Variants in TMTC1 observed in about 807,000 individuals in gnomAD.
The protein encoded by TMTC1 is protein O-mannosyl-transferase TMTC1.
A neutral mutation model predicts 104.8 loss-of-function variants in TMTC1; 73 were observed. The ratio of observed to expected loss-of-function variants is 0.70; its 90% CI spans 0.58 to 0.85. TMTC1 has a LOEUF of 0.85. Among genes scored for constraint, TMTC1 ranks in the 40% least tolerant of loss-of-function variants. The pLI is 0.00. For synonymous variants in TMTC1, 434 were observed against 428.7 expected (o/e 1.01, Z -0.15); for missense variants, 1,035 against 1,096.1 (o/e 0.94, Z 0.79).
chr12:29,589,927 T>TA (rs1282132194), intron 7 of TMTC1, among the ~76,000 whole-genome samples: 1 of 152,194 alleles, frequency 6.6e-6, no homozygotes, highest in African/African-American at 2.4e-5. Context: ...AAGAGTTGAG[T>TA]AACTTGCCCA....
At chr12:29,572,253 AC>A (rs762151282) in intron 8 of TMTC1, 35 bp from the exon 9 acceptor site, 120 of 1,492,840 alleles carry the variant, frequency 8.0e-5, no homozygotes, top group Non-Finnish European at 9.6e-5. Context: ...GAATTATTTG[AC>A]AAAGAATATT....
At chr12:29,720,071 G>A (rs1942194336) in intron 5 of TMTC1, among the ~76,000 whole-genome samples, 1 of 152,136 alleles carries the variant, frequency 6.6e-6, no homozygotes, top group Admixed American at 6.5e-5. Flanking sequence ...ATCTGCTGGT[G>A]CTCTCTCGAC....
rs10574727 is a variant in TMTC1 at position 29,713,300 on chromosome 12, T to TACACACACACAC, written c.938+38354_938+38365dup. Among the ~76,000 whole-genome samples the TACACACACACAC allele has an allele frequency of 1.0e-3, 138 of 134,454 alleles. 1 individual carries two copies. Among genetic ancestry groups the TACACACACACAC allele is most frequent in the East Asian group, 3.8e-3 (17 of 4,466 alleles). 88.2% of individuals were successfully genotyped at this position (134,454 alleles called of 152,430 possible). On this transcript the variant is annotated intron_variant, in intron 5 of 17. Transcript: ENST00000539277. ...AAATAAATCTCTCTACATAAACACA[T>TACACACACACAC]ACACACACACACACACACACACACA...
intron 10 of TMTC1, among the ~76,000 whole-genome samples, chr12:29,536,529 A>C (rs987569976): frequency 6.6e-6 from 1 of 152,200 alleles, no homozygotes; most frequent in Non-Finnish European, 1.5e-5. Context: ...TAAAGATGTA[A>C]ATTACGCTTC....
chr12:29,517,618 A>T (rs776519884), intron 13 of TMTC1, 47 bp from the exon 14 acceptor site: 6 of 1,609,876 alleles, frequency 3.7e-6, no homozygotes, highest in South Asian at 1.1e-5. Context: ...TAATAGGTAC[A>T]TTTCCAAATG....
chr12:29,573,321 T>C (rs1945733073), intron 8 of TMTC1, among the ~76,000 whole-genome samples: 1 of 152,202 alleles, frequency 6.6e-6, no homozygotes, highest in Non-Finnish European at 1.5e-5. Flanking sequence ...AGCAGAATCA[T>C]TAAAAAGGAT....
intron 9 of TMTC1, among the ~76,000 whole-genome samples, chr12:29,561,468 C>A (rs1006152431): frequency 2.4e-4 from 36 of 152,232 alleles, no homozygotes; most frequent in African/African-American, 8.4e-4. Context: ...TGTCTTCTGT[C>A]ATACAAAATA....
At chr12:29,634,182 C>A (rs149290884) in intron 5 of TMTC1, among the ~76,000 whole-genome samples, 1 of 152,146 alleles carries the variant, frequency 6.6e-6, no homozygotes, top group Admixed American at 6.5e-5. Context: ...CTAGTCAACA[C>A]GTTACAACAT....
chr12:29,507,400 C>A (rs964605450), intron 17 of TMTC1, among the ~76,000 whole-genome samples: 2 of 152,048 alleles, frequency 1.3e-5, no homozygotes, highest in Non-Finnish European at 2.9e-5. Flanking sequence ...TTTAAAACTG[C>A]AAGAAGAATG....
At chr12:29,750,251 T>C (rs1943057744) in intron 5 of TMTC1, among the ~76,000 whole-genome samples, 2 of 152,238 alleles carry the variant, frequency 1.3e-5, no homozygotes, top group South Asian at 2.1e-4. Context: ...GCCAGATCCC[T>C]GCACATCTTC....
chr12:29,655,229 C>T lies in TMTC1; in HGVS notation c.939-21893G>A, dbSNP rs139929672. Among the ~76,000 whole-genome samples the T allele has an allele frequency of 2.7e-3, 416 of 152,120 alleles. 3 individuals carry two copies. The highest frequency in any genetic ancestry group is 3.3e-3 in the Non-Finnish European group (223 of 68,002). ...TGTTCAGAATAGGTAAATCTACAGA[C>T]ACAGAAAGTAGACCAGTGGCTGGTG... On this transcript the variant is annotated intron_variant, in intron 5 of 17. Coordinates refer to ENST00000539277, the MANE Select transcript of TMTC1 (RefSeq NM_001193451.2).
intron 1 of TMTC1, among the ~76,000 whole-genome samples, chr12:29,774,268 G>A (rs1019928804): frequency 6.6e-6 from 1 of 152,042 alleles, no homozygotes; most frequent in African/African-American, 2.4e-5. Context: ...ATCTAAACTA[G>A]GGCCCAGAGA....
chr12:29,774,476 A>AC (rs112744640), intron 1 of TMTC1, among the ~76,000 whole-genome samples: 3,509 of 152,056 alleles, frequency 0.023, 129 homozygotes, highest in African/African-American at 0.078. Flanking sequence ...AATTAAAAGT[A>AC]ACCCTTTATT....
At chr12:29,664,181 C>T (rs913005565) in intron 5 of TMTC1, among the ~76,000 whole-genome samples, 13 of 144,198 alleles carry the variant, frequency 9.0e-5, no homozygotes, top group South Asian at 4.4e-4. Flanking sequence ...AGCGAGACTC[C>T]GTCTCAAAAA....
Position 29,755,883 on chromosome 12 carries a change from C to T in TMTC1, c.557G>A (p.Ser186Asn). Reference protein sequence around the residue: ...FLLAFLSYNRSLDQGCVGGSF... With the variant: ...FLLAFLSYNRNLDQGCVGGSF... Reference sequence around the variant, plus strand: ...TCCCCCAACACAGCCCTGATCCAGACTCCTGAAAAACAAGTTGGAGATTCT... The same window carrying T: ...TCCCCCAACACAGCCCTGATCCAGATTCCTGAAAAACAAGTTGGAGATTCT... Residue 186 changes from serine (S) to asparagine (N), a missense_variant and splice_region_variant, in exon 4 of 18, where the codon AGT becomes AAT. Coordinates refer to ENST00000539277, the MANE Select transcript of TMTC1 (RefSeq NM_001193451.2). The T allele has an allele frequency of 6.2e-7, 1 of 1,612,278 alleles. No homozygotes were observed. The highest frequency in any genetic ancestry group is 8.5e-7 in the Non-Finnish European group (1 of 1,179,494).
intron 7 of TMTC1, among the ~76,000 whole-genome samples, chr12:29,598,175 A>C (rs1946463748): frequency 6.6e-6 from 1 of 152,206 alleles, no homozygotes; most frequent in Non-Finnish European, 1.5e-5. Context: ...AGATTTGCTA[A>C]AGCAAATTTC....
intron 5 of TMTC1, among the ~76,000 whole-genome samples, chr12:29,719,147 C>T (rs894395447): frequency 1.3e-5 from 2 of 152,018 alleles, no homozygotes; most frequent in Non-Finnish European, 2.9e-5. Context: ...AAATTGGTGG[C>T]ATTGTAGAAT....
At chr12:29,671,454 A>G (rs1159851082) in intron 5 of TMTC1, among the ~76,000 whole-genome samples, 4 of 152,374 alleles carry the variant, frequency 2.6e-5, no homozygotes, top group Non-Finnish European at 5.9e-5. Context: ...TAGAAGCAAT[A>G]TAGAAAAAGC....
At chr12:29,613,932 C>T (rs1433947074) in intron 6 of TMTC1, 3 of 981,212 alleles carry the variant, frequency 3.1e-6, no homozygotes, top group Non-Finnish European at 3.6e-6. Context: ...TTCATCTATC[C>T]ACTTGGAATT....
Sources: allele counts gnomAD v4.1 joint callset (sites outside exome capture counted in the v4.1 genomes callset), GRCh38; gene constraint gnomAD v4.1.1; transcripts MANE v1.5; gene names NCBI Gene and HGNC (gene_info 2026-07-23, HGNC 2026-07-21).